Variants in HAS3 observed in about 807,000 individuals in gnomAD.
HAS3 encodes HA synthase 3.
Under a neutral mutation model 50.3 loss-of-function variants are expected in HAS3, and 27 were observed. The ratio of observed to expected loss-of-function variants is 0.54; its 90% CI spans 0.40 to 0.74. The LOEUF is 0.74. Among genes scored for constraint, HAS3 ranks in the 30% least tolerant of loss-of-function variants. The pLI, the probability that HAS3 is intolerant of heterozygous loss-of-function variation, is 0.00. For missense variants in HAS3, 517 were observed against 742.8 expected (o/e 0.70, Z 3.53); for synonymous variants, 339 against 310.9 (o/e 1.09, Z -0.95).
chr16:69,107,461 C>T lies in HAS3; in HGVS notation c.-1+1674C>T. 1 of 985,604 alleles carries T rather than the reference C, an allele frequency of 1.0e-6. No individual in the cohort carries two copies. The highest frequency in any genetic ancestry group is 1.2e-6 in the Non-Finnish European group (1 of 830,080). 61.1% of individuals were successfully genotyped at this position (985,604 alleles called of 1,614,324 possible). ...GTTTTCCGTTCCTTCCCGGTTGGGTCGTGGGAAAGCGGCACGTGGGTGTGG... is the reference window on the plus strand; with the variant it reads ...GTTTTCCGTTCCTTCCCGGTTGGGTTGTGGGAAAGCGGCACGTGGGTGTGG... On this transcript the variant is annotated intron_variant, in intron 1 of 3. Transcript: ENST00000569188. The surrounding 1 kb of genome is among the most constrained non-coding windows in gnomAD (Gnocchi z 5.5).
At chr16:69,103,002 CATGTGTGTGTGTGT>C (rs1960712426), upstream of HAS3, among the ~76,000 whole-genome samples, 2 of 115,170 alleles carry the variant, frequency 1.7e-5, no homozygotes, top group South Asian at 2.7e-4. Flanking sequence ...GTGGAGTGTG[CATGTGTGTGTGTGT>C]GTGTGTGTGT....
At chr16:69,108,556 C>T (rs1232267845) in intron 1 of HAS3, among the ~76,000 whole-genome samples, 1 of 152,162 alleles carries the variant, frequency 6.6e-6, no homozygotes. Context: ...CACAGAGACG[C>T]ATGCTGCACG....
the HAS3 span, among the ~76,000 whole-genome samples, chr16:69,096,494 C>G: frequency 8.5e-6 from 1 of 117,294 alleles, no homozygotes; most frequent in Non-Finnish European, 1.6e-5. Flanking sequence ...AAAGATCACA[C>G]CATGCATTCC....
intron 2 of HAS3, among the ~76,000 whole-genome samples, chr16:69,111,865 C>G (rs2152258212): frequency 6.6e-6 from 1 of 152,334 alleles, no homozygotes; most frequent in East Asian, 1.9e-4. Flanking sequence ...GATCTCACCC[C>G]CACCCCACCC....
At chr16:69,110,190 G>A (rs935876152) in intron 2 of HAS3, among the ~76,000 whole-genome samples, 159 bp downstream of exon 2, 1 of 152,182 alleles carries the variant, frequency 6.6e-6, no homozygotes, top group Non-Finnish European at 1.5e-5. Flanking sequence ...GGTGGCTCAC[G>A]CCTGTAATCC....
the HAS3 span, among the ~76,000 whole-genome samples, chr16:69,099,528 A>G: frequency 7.0e-6 from 1 of 142,822 alleles, no homozygotes; most frequent in African/African-American, 2.6e-5. Context: ...GGGTTTCACC[A>G]TGTTGACCCG....
Position 69,117,162 on chromosome 16 carries a change from A to G in HAS3, c.*1896A>G, listed in dbSNP as rs113310402. The G allele has an allele frequency of 2.3e-5, 23 of 985,876 alleles. No individual in the cohort carries two copies. In the African/African-American group the frequency reaches 3.1e-4, roughly 13 times the overall value. 61.1% of individuals were successfully genotyped at this position (985,876 alleles called of 1,614,324 possible). A position where few individuals can be genotyped will look rare whatever the true frequency, so the allele number is the denominator to read the frequency against. On this transcript the variant is annotated 3_prime_UTR_variant, in exon 4 of 4. Transcript: ENST00000569188. ...CAATCGTTCTGCTGGCCAAGAAGTT[A>G]AACTATTTTGAGCATTAGAATGGAG... is the stretch of plus-strand genomic sequence containing the variant.
upstream of HAS3, among the ~76,000 whole-genome samples, chr16:69,101,951 A>AT (rs1181838954): frequency 2.0e-5 from 3 of 151,958 alleles, no homozygotes; most frequent in Non-Finnish European, 4.4e-5. Context: ...CACCTGGCTA[A>AT]TTTTTTGTAT....
the HAS3 span, among the ~76,000 whole-genome samples, chr16:69,096,534 C>CAAA: frequency 1.5e-3 from 54 of 35,354 alleles, no homozygotes; most frequent in South Asian, 4.2e-3. Context: ...GACTCTGTCT[C>CAAA]AAAAAAAAAA....
At chr16:69,118,150 C>CAAAAAA, downstream of HAS3, 2 of 264,094 alleles carry the variant, frequency 7.6e-6, no homozygotes, top group Non-Finnish European at 1.5e-5. Context: ...TTCCCATATT[C>CAAAAAA]CCATCCACAT....
chr16:69,114,878 C>T lies in HAS3; in HGVS notation c.1274C>T (p.Thr425Ile). Residue 425 changes from threonine (T) to isoleucine (I), a missense_variant, in exon 4 of 4, where the codon ACC (threonine) becomes ATC (isoleucine). Physicochemically the swap from Thr to Ile is moderately conservative, Grantham distance 89. Transcript: ENST00000569188. The surrounding 1 kb of genome is among the most constrained non-coding windows in gnomAD (Gnocchi z 6.4). ...TVQLVGIIKA[T>I]YACFLRGNAE... ...CAGCTGGTGGGCATTATCAAGGCCA[C>T]CTACGCCTGCTTCCTTCGGGGCAAT... is the stretch of plus-strand genomic sequence containing the variant. 3.1e-6 allele frequency: 5 copies of T among 1,614,132 alleles called. No homozygotes were observed. The highest frequency in any genetic ancestry group is 1.3e-5 in the African/African-American group (1 of 75,042).
At position 69,114,832 on chromosome 16, in the gene HAS3, C is replaced by G. The variant is rs761504902; in HGVS notation, c.1228C>G (p.Leu410Val). The change falls in exon 4 of 4, where the codon CTC becomes GTC. Residue 410 changes from leucine to valine, a missense_variant. Leu to Val is a conservative substitution (Grantham distance 32). Coordinates refer to ENST00000569188, the MANE Select transcript of HAS3 (RefSeq NM_001199280.2). The surrounding 1 kb of genome is among the most constrained non-coding windows in gnomAD (Gnocchi z 6.4). ...CTACCGGGGCCGCATCTGGAACATT[C>G]TCCTCTTCCTGCTGACGGTGCAGCT... Reference protein sequence around the residue: ...LFYRGRIWNILLFLLTVQLVG... With the variant: ...LFYRGRIWNIVLFLLTVQLVG... 55 of 1,614,026 alleles carry G rather than the reference C, an allele frequency of 3.4e-5. No homozygotes were observed. In the South Asian group the frequency reaches 6.0e-4, roughly 18 times the overall value.
the HAS3 span, among the ~76,000 whole-genome samples, chr16:69,097,155 A>G: frequency 6.6e-6 from 1 of 151,866 alleles, no homozygotes; most frequent in African/African-American, 2.4e-5. Flanking sequence ...GAGAAAAAAA[A>G]AAGAATTATG....
chr16:69,108,066 G>A (rs1960867550), intron 1 of HAS3, among the ~76,000 whole-genome samples: 1 of 152,206 alleles, frequency 6.6e-6, no homozygotes, highest in Non-Finnish European at 1.5e-5. Context: ...GCTTGGAAGC[G>A]AGGCATCATT....
chr16:69,087,467 A>T, the HAS3 span, among the ~76,000 whole-genome samples: 1 of 151,718 alleles, frequency 6.6e-6, no homozygotes, highest in South Asian at 2.1e-4. Context: ...AAATCTCTTA[A>T]CTTTTGCTTT....
At chr16:69,105,258 T>G (rs1261351830), upstream of HAS3, among the ~76,000 whole-genome samples, 1 of 152,110 alleles carries the variant, frequency 6.6e-6, no homozygotes, top group African/African-American at 2.4e-5. Flanking sequence ...TCTTCAAGTT[T>G]TCCTGAGATG....
the HAS3 span, among the ~76,000 whole-genome samples, chr16:69,089,221 G>T: frequency 6.6e-6 from 1 of 152,154 alleles, no homozygotes; most frequent in Non-Finnish European, 1.5e-5. Context: ...ACTGTTTGCC[G>T]CATTGGAGGG....
At chr16:69,087,685 A>G in the HAS3 span, among the ~76,000 whole-genome samples, 2 of 127,348 alleles carry the variant, frequency 1.6e-5, no homozygotes, top group Non-Finnish European at 3.2e-5. Context: ...GGCATGAGCC[A>G]CCGCACCCGG....
At position 69,115,460 on chromosome 16, in the gene HAS3, C is replaced by A; in HGVS notation, c.*194C>A. On this transcript the variant is annotated 3_prime_UTR_variant, in exon 4 of 4. Coordinates refer to ENST00000569188, the MANE Select transcript of HAS3 (RefSeq NM_001199280.2). ...TCTGTTTAGAGGAGGCAACACTGAT[C>A]CCCCAGATGCAGGGCTGCAGGGGAT... The A allele has an allele frequency of 7.8e-7, 1 of 1,284,108 alleles. No homozygotes were observed. The highest frequency in any genetic ancestry group is 9.8e-7 in the Non-Finnish European group (1 of 1,019,204). 79.5% of individuals were successfully genotyped at this position (1,284,108 alleles called of 1,614,324 possible).
Sources: allele counts gnomAD v4.1 joint callset (sites outside exome capture counted in the v4.1 genomes callset), GRCh38; gene constraint gnomAD v4.1.1; non-coding constraint Gnocchi (gnomAD v3.1); transcripts MANE v1.5; gene names NCBI Gene and HGNC (gene_info 2026-07-23, HGNC 2026-07-21).